Variants in PRSS50 observed in about 807,000 individuals in gnomAD.
PRSS50 encodes the protein probable threonine protease PRSS50.
PRSS50 carries 23 observed loss-of-function variants against 34.2 expected under a neutral mutation model. The observed-to-expected ratio is 0.67, with a 90% CI of 0.48 to 0.95. PRSS50 has a LOEUF of 0.95. Among genes scored for constraint, PRSS50 ranks in the 40% least tolerant of loss-of-function variants. The pLI, the probability that PRSS50 is intolerant of heterozygous loss-of-function variation, is 0.00. For missense variants in PRSS50, 484 were observed against 513.4 expected, an observed-to-expected ratio of 0.94 and a Z score of 0.55; for synonymous variants, 224 against 211.2, an observed-to-expected ratio of 1.06 and a Z score of -0.53.
rs1030527692 is a variant in PRSS50 at position 46,717,666 on chromosome 3, T to C, written c.107-29A>G. On this transcript the variant is annotated intron_variant, in intron 1 of 5. Transcript: ENST00000315170. The surrounding 1 kb of genome is among the most constrained non-coding windows in gnomAD (Gnocchi z 4.5). ...CGGAGGACGTCGAGCGGATTAGAGG[T>C]GGAAGGCGAGGGCCGCGTCAGGCGG... is the stretch of plus-strand genomic sequence containing the variant. 3.1e-6 allele frequency: 5 copies of C among 1,607,044 alleles called. No homozygotes were observed. Among genetic ancestry groups the C allele is most frequent in the Non-Finnish European group, 4.2e-6 (5 of 1,176,986 alleles).
rs148192294 is a variant in PRSS50, at chr3:46,714,361, G to A, written c.611C>T (p.Ala204Val). ...GAGCTTGAGGAGGCCGATGTCGTTGGCCTGGCCCACCCAGGACCAGAACCG... is the reference window on the plus strand; with the variant it reads ...GAGCTTGAGGAGGCCGATGTCGTTGACCTGGCCCACCCAGGACCAGAACCG... ...AQRFWSWVGQ[A>V]NDIGLLKLKQ... The change falls in exon 4 of 6, where the codon GCC becomes GTC. Residue 204 changes from alanine (A) to valine (V), a missense_variant. Transcript: ENST00000315170. 2.1e-5 allele frequency: 34 copies of A among 1,613,850 alleles called. No individual in the cohort carries two copies. The African/African-American group carries it at 4.1e-4, about 20-fold the overall frequency.
In PRSS50 at chr3:46,717,758, C is replaced by T; in HGVS notation, c.67G>A (p.Gly23Ser). Residue 23 changes from glycine (G) to serine (S), a missense_variant, in exon 1 of 6, where the codon GGT becomes AGT. Gly to Ser is a moderately conservative substitution (Grantham distance 56). Coordinates refer to ENST00000315170, the MANE Select transcript of PRSS50 (RefSeq NM_013270.5). The surrounding 1 kb of genome is among the most constrained non-coding windows in gnomAD (Gnocchi z 4.5). Reference sequence around the variant, plus strand: ...AACAGAAGCAGCAGCAGCAGGGCACCGGCGCGGGAGGGGGCAGACGTCCGG... The same window carrying T: ...AACAGAAGCAGCAGCAGCAGGGCACTGGCGCGGGAGGGGGCAGACGTCCGG... ...RPRTSAPSRA[G>S]ALLLLLLLLR... The T allele has an allele frequency of 1.3e-6, 2 of 1,588,804 alleles. No homozygotes were observed.
Position 46,715,760 on chromosome 3 carries a change from C to A in PRSS50, c.308-63G>T. On this transcript the variant is annotated intron_variant, in intron 2 of 5. Transcript: ENST00000315170. This position sits in a 1 kb window ranked among gnomAD's most constrained non-coding sequence, Gnocchi z 5.2. ...TTTCCCTGTCCCTCCCCTCCCCCAG[C>A]CTGACCTCGTGCCTCTCCAGCCACT... 6.7e-7 allele frequency: 1 copy of A among 1,497,300 alleles called. No homozygotes were observed. The highest frequency in any genetic ancestry group is 1.4e-5 in the African/African-American group (1 of 72,390). The allele number at this position is 1,497,300 out of a possible 1,614,324, so 92.8% of individuals were successfully genotyped here.
chr3:46,713,908 A>G (rs1283123041), intron 4 of PRSS50, among the ~76,000 whole-genome samples: 2 of 152,204 alleles, frequency 1.3e-5, no homozygotes, highest in African/African-American at 4.8e-5. Flanking sequence ...ATGCCTGGGC[A>G]GTGGGTGTGG....
chr3:46,714,156 C>G, intron 4 of PRSS50, 62 bp downstream of exon 4: 1 of 1,565,388 alleles, frequency 6.4e-7, no homozygotes, highest in Non-Finnish European at 8.7e-7. Context: ...TGGTGGCACC[C>G]TGGCCTGCAC....
At position 46,714,508 on chromosome 3, in the gene PRSS50, G is replaced by A; in HGVS notation, c.471-7C>T. ...TGAGTAGATAACATCACGCCTAGGG[G>A]GGCCGTGAGGGGAGGCCATGATCAG... On this transcript the variant is annotated splice_polypyrimidine_tract_variant and splice_region_variant and intron_variant, in intron 3 of 5. Coordinates refer to ENST00000315170, the MANE Select transcript of PRSS50 (RefSeq NM_013270.5). 1 of 1,564,118 alleles carries A rather than the reference G, an allele frequency of 6.4e-7. No homozygotes were observed. Among genetic ancestry groups the A allele is most frequent in the East Asian group, 2.3e-5 (1 of 43,304 alleles).
chr3:46,712,432 C>G lies in PRSS50; in HGVS notation c.972G>C (p.Leu324=), dbSNP rs1700632521. The part of the protein sequence containing the change: ...LVCSMEGTWY[L]VGLVSWGAGC... ...CTGCACCCCAGCTCACCAATCCCAC[C>G]AGGTACCACGTGCCCTCCATGGAGC... Residue 324 remains leucine (L), a synonymous_variant, in exon 6 of 6, where the codon CTG becomes CTC. Coordinates refer to ENST00000315170, the MANE Select transcript of PRSS50 (RefSeq NM_013270.5). 6.2e-7 allele frequency: 1 copy of G among 1,614,006 alleles called. No homozygotes were observed. The highest frequency in any genetic ancestry group is 1.7e-5 in the Admixed American group (1 of 60,004).
Position 46,717,795 on chromosome 3 carries a change from G to T in PRSS50, c.30C>A (p.Arg10=). Residue 10 remains arginine, a synonymous_variant, in exon 1 of 6, where the codon CGC becomes CGA. Transcript: ENST00000315170. The surrounding 1 kb of genome is among the most constrained non-coding windows in gnomAD (Gnocchi z 4.5). ...GGGCAGACGTCCGGGGGCGCTGCCC[G>T]CGCGCGACGGTCTGGCACCAGCGAC... is the stretch of plus-strand genomic sequence containing the variant. The part of the protein sequence containing the change: MGRWCQTVA[R]GQRPRTSAPS... 6.5e-7 allele frequency: 1 copy of T among 1,546,108 alleles called. No individual in the cohort carries two copies. Among genetic ancestry groups the T allele is most frequent in the South Asian group, 1.2e-5 (1 of 83,092 alleles).
At position 46,717,500 on chromosome 3, in the gene PRSS50, G is replaced by C. The variant is rs751240487; in HGVS notation, c.244C>G (p.Leu82Val). The C allele has an allele frequency of 2.2e-5, 35 of 1,613,834 alleles. No individual in the cohort carries two copies. In the South Asian group the frequency reaches 3.8e-4, roughly 18 times the overall value. Residue 82 changes from leucine (L) to valine (V), a missense_variant, in exon 2 of 6, where the codon CTG (leucine) becomes GTG (valine). Physicochemically the swap from Leu to Val is conservative, Grantham distance 32 (BLOSUM62 1). Coordinates refer to ENST00000315170, the MANE Select transcript of PRSS50 (RefSeq NM_013270.5). The surrounding 1 kb of genome is among the most constrained non-coding windows in gnomAD (Gnocchi z 4.5). ...LLWQTPTTQTLPSTTMETQFP... is the reference protein window; with the variant it reads ...LLWQTPTTQTVPSTTMETQFP... ...TGGGTCTCCATGGTGGTCGAGGGCA[G>C]TGTCTGGGTGGTCGGGGTCTGCCAG...
At position 46,712,158 on chromosome 3, in the gene PRSS50, C is replaced by G; in HGVS notation, c.*88G>C. The G allele has an allele frequency of 8.4e-7, 1 of 1,184,914 alleles. No individual in the cohort carries two copies. The highest frequency in any genetic ancestry group is 1.5e-5 in the South Asian group (1 of 68,230). 73.4% of individuals were successfully genotyped at this position (1,184,914 alleles called of 1,614,324 possible). A position where few individuals can be genotyped will look rare whatever the true frequency, so the allele number is the denominator to read the frequency against. On this transcript the variant is annotated 3_prime_UTR_variant, in exon 6 of 6. Coordinates refer to ENST00000315170, the MANE Select transcript of PRSS50 (RefSeq NM_013270.5). ...GTTTAATTGAGCACCTCATCTCCAC[C>G]CTGACTCTCAGGGCTGTGACAGCTG...
In PRSS50 at chr3:46,714,263, GGTCCTTCAACACATA is replaced by G; in HGVS notation, c.694_708del (p.Tyr232_Asp236del). ...CAGCCCGTCACAGTGCAGCGGGAAT[GGTCCTTCAACACATA>G]GTCCGTGCCAGGCAGGCAGATGGGC... On this transcript the variant is annotated inframe_deletion, in exon 4 of 6. Transcript: ENST00000315170. The G allele has an allele frequency of 6.2e-7, 1 of 1,614,158 alleles. No individual in the cohort carries two copies. The highest frequency in any genetic ancestry group is 8.5e-7 in the Non-Finnish European group (1 of 1,180,044).
chr3:46,714,402 G>A lies in PRSS50; in HGVS notation c.570C>T (p.Ser190=). 1.9e-6 allele frequency: 3 copies of A among 1,613,412 alleles called. No individual in the cohort carries two copies. Among genetic ancestry groups the A allele is most frequent in the South Asian group, 2.2e-5 (2 of 90,942 alleles). The part of the protein sequence containing the change: ...DVPVLQVIMH[S]RYRAQRFWSW... ...ACCAGAACCGCTGGGCCCGGTACCTGCTATGCATGATGACCTGGAGCACCG... is the reference window on the plus strand; with the variant it reads ...ACCAGAACCGCTGGGCCCGGTACCTACTATGCATGATGACCTGGAGCACCG... The change falls in exon 4 of 6, where the codon AGC becomes AGT. Residue 190 remains serine, a synonymous_variant. Coordinates refer to ENST00000315170, the MANE Select transcript of PRSS50 (RefSeq NM_013270.5).
At position 46,712,998 on chromosome 3, in the gene PRSS50, T is replaced by C. The variant is rs750914248; in HGVS notation, c.824A>G (p.Asn275Ser). ...GATTTTGGTGAAGTTGTGGTAGAAATTGTCACACTCTTTGTTGTTCAGGAT... is the reference window on the plus strand; with the variant it reads ...GATTTTGGTGAAGTTGTGGTAGAAACTGTCACACTCTTTGTTGTTCAGGAT... Reference protein sequence around the residue: ...VIILNNKECDNFYHNFTKIPT... With the variant: ...VIILNNKECDSFYHNFTKIPT... The change falls in exon 5 of 6, where the codon AAT becomes AGT. Residue 275 changes from asparagine (N) to serine (S), a missense_variant. Coordinates refer to ENST00000315170, the MANE Select transcript of PRSS50 (RefSeq NM_013270.5). 9.9e-6 allele frequency: 16 copies of C among 1,614,130 alleles called. No individual in the cohort carries two copies. The highest frequency in any genetic ancestry group is 4.5e-5 in the East Asian group (2 of 44,878).
At chr3:46,712,762 C>A in intron 5 of PRSS50, 139 bp downstream of exon 5, 1 of 999,796 alleles carries the variant, frequency 1.0e-6, no homozygotes. Flanking sequence ...TCTCCCCCGA[C>A]ATCCTCCATC....
At position 46,714,208 on chromosome 3, in the gene PRSS50, T is replaced by C; in HGVS notation, c.754+10A>G. ...AGCACCCGCCCTGGTCTGCAGAGGCTTTGACTCACCGTCAGCCTTGGAAAG... is the reference window on the plus strand; with the variant it reads ...AGCACCCGCCCTGGTCTGCAGAGGCCTTGACTCACCGTCAGCCTTGGAAAG... On this transcript the variant is annotated intron_variant, in intron 4 of 5. Coordinates refer to ENST00000315170, the MANE Select transcript of PRSS50 (RefSeq NM_013270.5). 1.2e-6 allele frequency: 2 copies of C among 1,612,602 alleles called. No individual in the cohort carries two copies. The highest frequency in any genetic ancestry group is 1.3e-5 in the African/African-American group (1 of 75,038).
At chr3:46,712,830 CCG>C in intron 5 of PRSS50, 69 bp downstream of exon 5, 1 of 1,419,374 alleles carries the variant, frequency 7.0e-7, no homozygotes, top group Non-Finnish European at 9.6e-7. Context: ...CTCCACCGTT[CCG>C]CTCTCCCTCC....
rs1159176759 is a variant in PRSS50, at chr3:46,717,809, G to A, written c.16C>T (p.Gln6Ter). The change falls in exon 1 of 6, where the codon CAG becomes TAG. Residue 6 changes from glutamine to a stop codon, truncating the protein, a stop_gained. Transcript: ENST00000315170. LOFTEE classifies it high-confidence loss of function. This position sits in a 1 kb window ranked among gnomAD's most constrained non-coding sequence, Gnocchi z 4.5. MGRWC[Q>*]TVARGQRPRT... ...GGGCGCTGCCCGCGCGCGACGGTCT[G>A]GCACCAGCGACCCATCCCGGGGTGG... 2.0e-6 allele frequency: 3 copies of A among 1,531,000 alleles called. No homozygotes were observed. In the East Asian group the frequency reaches 7.3e-5, roughly 37 times the overall value. The allele number at this position is 1,531,000 out of a possible 1,614,324, so 94.8% of individuals were successfully genotyped here. A position where few individuals can be genotyped will look rare whatever the true frequency, so the allele number is the denominator to read the frequency against.
At chr3:46,712,880 G>A in intron 5 of PRSS50, 21 bp downstream of exon 5, 1 of 1,611,804 alleles carries the variant, frequency 6.2e-7, no homozygotes, top group South Asian at 1.1e-5. Flanking sequence ...GAAGGGGAGT[G>A]AGCGAGGAGA....
chr3:46,713,104 C>A, intron 4 of PRSS50, 37 bp from the exon 5 acceptor site: 2 of 1,606,748 alleles, frequency 1.2e-6, no homozygotes, highest in East Asian at 2.2e-5. Flanking sequence ...CAGCCACTCA[C>A]CGCTGCCCAC....
Sources: gnomAD v4.1 joint callset for allele counts (sites outside exome capture counted in the v4.1 genomes callset) on GRCh38, gnomAD v4.1.1 for gene constraint, Gnocchi (gnomAD v3.1) non-coding constraint, MANE v1.5 for transcripts, NCBI Gene and HGNC (gene_info 2026-07-23, HGNC 2026-07-21) for gene names.